The following ATP11B variants were observed in gnomAD, a reference collection of about 807,000 sequenced individuals.
ATP11B encodes the protein ATPase phospholipid transporting 11B (putative), also known as phospholipid-transporting ATPase IF.
ATP11B carries 81 observed loss-of-function variants against 157.8 expected under a neutral mutation model. The observed-to-expected ratio is 0.51, with a 90% CI of 0.43 to 0.62. The LOEUF (loss-of-function observed/expected upper bound fraction) is 0.62. ATP11B is among the 20% of genes least tolerant of loss of function. The pLI, the probability that ATP11B is intolerant of heterozygous loss-of-function variation, is 0.00. For missense variants in ATP11B, 1,165 were observed against 1,402.2 expected, an observed-to-expected ratio of 0.83 and a Z score of 2.70; for synonymous variants, 451 against 469.4, an observed-to-expected ratio of 0.96 and a Z score of 0.51.
At chr3:182,858,554 T>C (rs1720599227) in intron 11 of ATP11B, among the ~76,000 whole-genome samples, 1 of 152,296 alleles carries the variant, frequency 6.6e-6, no homozygotes, top group South Asian at 2.1e-4. Flanking sequence ...ATCTTTGTAT[T>C]GGAAGACAAA....
At chr3:182,868,937 GT>G in intron 15 of ATP11B, 140 bp from the exon 16 acceptor site, 1 of 570,236 alleles carries the variant, frequency 1.8e-6, no homozygotes, top group South Asian at 2.7e-5. Flanking sequence ...TTAATGGCAT[GT>G]AACCTATCAT....
intron 4 of ATP11B, among the ~76,000 whole-genome samples, chr3:182,832,187 T>C (rs569681987): frequency 1.3e-5 from 2 of 152,234 alleles, no homozygotes; most frequent in South Asian, 4.2e-4. Context: ...CCTTCCAAAA[T>C]TGGTTTAAGT....
intron 7 of ATP11B, among the ~76,000 whole-genome samples, chr3:182,838,566 G>GTAAT (rs1486807115): frequency 1.3e-5 from 2 of 151,898 alleles, no homozygotes; most frequent in Non-Finnish European, 2.9e-5. Context: ...AAGAAAACTC[G>GTAAT]TAATTATATC....
chr3:182,879,408 C>A (rs921094252), intron 19 of ATP11B, 88 bp from the exon 20 acceptor site: 3 of 1,165,282 alleles, frequency 2.6e-6, no homozygotes, highest in Non-Finnish European at 3.5e-6. Flanking sequence ...AAAGATCCAT[C>A]TTTCAGTAAG....
intron 19 of ATP11B, among the ~76,000 whole-genome samples, chr3:182,878,419 T>C (rs963732515): frequency 5.3e-5 from 8 of 152,254 alleles, no homozygotes; most frequent in Non-Finnish European, 8.8e-5. Flanking sequence ...CACTGAGTAC[T>C]GGCTTTCAGC....
intron 1 of ATP11B, among the ~76,000 whole-genome samples, chr3:182,810,086 C>G (rs932688030): frequency 6.6e-6 from 1 of 152,112 alleles, no homozygotes; most frequent in Non-Finnish European, 1.5e-5. Flanking sequence ...GGCTCATGCA[C>G]TTTGGGAAGC....
intron 2 of ATP11B, among the ~76,000 whole-genome samples, chr3:182,821,311 C>A (rs1430523233): frequency 6.6e-6 from 1 of 151,998 alleles, no homozygotes; most frequent in Non-Finnish European, 1.5e-5. Context: ...ATTTCACCAC[C>A]TTGGCCAGGC....
chr3:182,797,524 A>G (rs1715696467), intron 1 of ATP11B, among the ~76,000 whole-genome samples: 1 of 152,168 alleles, frequency 6.6e-6, no homozygotes, highest in Non-Finnish European at 1.5e-5. Context: ...CCTGGCCAAC[A>G]TGGTGAAACC....
At chr3:182,897,683 A>G (rs1042408578) in intron 27 of ATP11B, among the ~76,000 whole-genome samples, 3 of 152,038 alleles carry the variant, frequency 2.0e-5, no homozygotes, top group African/African-American at 7.2e-5. Flanking sequence ...CACAAAGACA[A>G]AAAAGTACCA....
rs776568240 is a variant in ATP11B, at chr3:182,879,570, A to G, written c.2327A>G (p.His776Arg). The G allele has an allele frequency of 2.5e-6, 4 of 1,614,090 alleles. No homozygotes were observed. Among genetic ancestry groups the G allele is most frequent in the Admixed American group, 1.7e-5 (1 of 60,008 alleles). The change falls in exon 20 of 30, where the codon CAT becomes CGT. Residue 776 changes from histidine to arginine, a missense_variant. By Grantham distance (29) the His-to-Arg change is conservative. Transcript: ENST00000323116. ...AGCCTATCTCTTGCACTCAGGGAGCATGAAAAACTATTTATGGAAGTTTGC... is the reference window on the plus strand; with the variant it reads ...AGCCTATCTCTTGCACTCAGGGAGCGTGAAAAACTATTTATGGAAGTTTGC... ...GTSLSLALREHEKLFMEVCRN... is the reference protein window; with the variant it reads ...GTSLSLALREREKLFMEVCRN...
At position 182,820,162 on chromosome 3, in the gene ATP11B, A is replaced by G. The variant is rs1717238130; in HGVS notation, c.28-98A>G. On this transcript the variant is annotated intron_variant, in intron 1 of 29. Coordinates refer to ENST00000323116, the MANE Select transcript of ATP11B (RefSeq NM_014616.3). ...TATATGCATTTTAAGGGCAATAGTA[A>G]TATATGTAATCTGACCAGCTAAATA... 1.2e-5 allele frequency: 9 copies of G among 779,796 alleles called. No individual in the cohort carries two copies. The East Asian group carries it at 2.2e-4, about 19-fold the overall frequency. 48.3% of individuals were successfully genotyped at this position (779,796 alleles called of 1,614,324 possible).
At chr3:182,832,352 A>G (rs1026191574) in intron 4 of ATP11B, among the ~76,000 whole-genome samples, 2 of 152,140 alleles carry the variant, frequency 1.3e-5, no homozygotes, top group African/African-American at 4.8e-5. Flanking sequence ...GAAAATTTGA[A>G]CCACAAAGAT....
At position 182,918,541 on chromosome 3, in the gene ATP11B, A is replaced by G. The variant is rs1233402747; in HGVS notation, c.*437A>G. 7.6e-6 allele frequency: 3 copies of G among 394,300 alleles called. No individual in the cohort carries two copies. The highest frequency in any genetic ancestry group is 1.4e-4 in the South Asian group (1 of 7,038). The allele number at this position is 394,300 out of a possible 1,614,324, so 24.4% of individuals were successfully genotyped here. A position where few individuals can be genotyped will look rare whatever the true frequency, so the allele number is the denominator to read the frequency against. On this transcript the variant is annotated 3_prime_UTR_variant, in exon 30 of 30. Coordinates refer to ENST00000323116, the MANE Select transcript of ATP11B (RefSeq NM_014616.3). ...GCTGAAAGTTTGCCTTGAGAACTCT[A>G]TTTTTTTATTAGAGTTATATTTAAA...
chr3:182,795,973 A>G (rs958577525), intron 1 of ATP11B, among the ~76,000 whole-genome samples: 2 of 152,248 alleles, frequency 1.3e-5, no homozygotes, highest in African/African-American at 4.8e-5. Context: ...AGTTATAAGC[A>G]TATTTAATTC....
chr3:182,914,433 T>G, intron 29 of ATP11B: 2 of 985,756 alleles, frequency 2.0e-6, no homozygotes, highest in Non-Finnish European at 2.4e-6. Flanking sequence ...TTACTCTGTA[T>G]GTATATTTTC....
At position 182,917,890 on chromosome 3, in the gene ATP11B, T is replaced by C. The variant is rs1232117836; in HGVS notation, c.3453-133T>C. ...AAAGTTTGGGCATTCGATACTAGTATGAAGAACCTCTCTTTAGTATTTAAA... is the reference window on the plus strand; with the variant it reads ...AAAGTTTGGGCATTCGATACTAGTACGAAGAACCTCTCTTTAGTATTTAAA... On this transcript the variant is annotated intron_variant, in intron 29 of 29. Transcript: ENST00000323116. 8 of 1,371,930 alleles carry C rather than the reference T, an allele frequency of 5.8e-6. No homozygotes were observed. The Admixed American group carries it at 2.1e-4, about 36-fold the overall frequency. 85.0% of individuals were successfully genotyped at this position (1,371,930 alleles called of 1,614,324 possible).
chr3:182,819,989 T>C (rs1221823128), intron 1 of ATP11B, among the ~76,000 whole-genome samples: 1 of 152,064 alleles, frequency 6.6e-6, no homozygotes, highest in Admixed American at 6.5e-5. Context: ...AGGCATTACC[T>C]AGTTAAGTTT....
At chr3:182,869,354 T>A in intron 17 of ATP11B, 23 bp downstream of exon 17, 1 of 1,331,338 alleles carries the variant, frequency 7.5e-7, no homozygotes, top group Non-Finnish European at 1.0e-6. Flanking sequence ...TTCTATGATT[T>A]AAAAAACTCT....
rs762564807 is a variant in ATP11B at position 182,898,699 on chromosome 3, C to T, written c.3245C>T (p.Thr1082Ile). Residue 1082 changes from threonine to isoleucine, a missense_variant, in exon 28 of 30, where the codon ACA becomes ATA. Around this residue, in one of 4 missense-constraint regions of ATP11B, gnomAD observed 303 missense variants for 296.3 expected, o/e 1.02. Coordinates refer to ENST00000323116, the MANE Select transcript of ATP11B (RefSeq NM_014616.3). Reference protein sequence around the residue: ...AWFAIILMVVTCLFLDIIKKV... With the variant: ...AWFAIILMVVICLFLDIIKKV... ...TTTGCCATAATCCTCATGGTTGTTA[C>T]ATGTCTATTTCTTGATATCATAAAG... is the stretch of plus-strand genomic sequence containing the variant. 2.5e-5 allele frequency: 40 copies of T among 1,603,948 alleles called. No individual in the cohort carries two copies. The highest frequency in any genetic ancestry group is 1.7e-4 in the Middle Eastern group (1 of 6,056).
Sources: gnomAD v4.1 joint callset for allele counts (sites outside exome capture counted in the v4.1 genomes callset) on GRCh38, gnomAD v4.1.1 for gene constraint, gnomAD v4.1.1 regional missense constraint, MANE v1.5 for transcripts, NCBI Gene and HGNC (gene_info 2026-07-23, HGNC 2026-07-21) for gene names.